CRYBG3: variants seen among roughly 807,000 people sequenced by gnomAD.
CRYBG3 encodes crystallin beta-gamma domain containing 3, also known as very large A-kinase anchor protein.
Under a neutral mutation model 244.2 loss-of-function variants are expected in CRYBG3, and 127 were observed. The ratio of observed to expected loss-of-function variants is 0.52; its 90% CI spans 0.45 to 0.60. The LOEUF (loss-of-function observed/expected upper bound fraction) is 0.60. Among genes scored for constraint, CRYBG3 ranks in the 20% least tolerant of loss-of-function variants. The pLI, the probability that CRYBG3 is intolerant of heterozygous loss-of-function variation, is 0.00. For missense variants in CRYBG3, 3,325 were observed against 3,442.5 expected (o/e 0.97, Z 0.85); for synonymous variants, 1,132 against 1,195.8 (o/e 0.95, Z 1.10).
chr3:97,848,990 A>G (rs904024125), intron 2 of CRYBG3, among the ~76,000 whole-genome samples: 4 of 152,204 alleles, frequency 2.6e-5, no homozygotes, highest in African/African-American at 9.7e-5. Context: ...TTTTGAAATT[A>G]CATGTGTAAT....
chr3:97,837,372 G>A (rs997082384), intron 1 of CRYBG3, among the ~76,000 whole-genome samples: 3 of 151,980 alleles, frequency 2.0e-5, no homozygotes, highest in African/African-American at 7.2e-5. Context: ...TAGAAGGGGA[G>A]GTGCTGGTGA....
At chr3:97,933,561 G>A in intron 17 of CRYBG3, 133 bp from the exon 18 acceptor site, 1 of 907,052 alleles carries the variant, frequency 1.1e-6, no homozygotes, top group South Asian at 1.4e-5. Context: ...TTTGACTATA[G>A]CAACCTTAGA....
chr3:97,918,267 T>C (rs2039948242), intron 17 of CRYBG3, among the ~76,000 whole-genome samples: 1 of 152,174 alleles, frequency 6.6e-6, no homozygotes, highest in African/African-American at 2.4e-5. Context: ...TAAGTATATT[T>C]TGAAAATGAC....
intron 2 of CRYBG3, among the ~76,000 whole-genome samples, chr3:97,845,877 T>C (rs569726803): frequency 2.4e-4 from 36 of 152,308 alleles, no homozygotes; most frequent in African/African-American, 7.9e-4. Context: ...CCTTTTGGTC[T>C]GTTATTCTAC....
chr3:97,929,414 C>T (rs1374650590), intron 17 of CRYBG3, among the ~76,000 whole-genome samples: 3 of 151,994 alleles, frequency 2.0e-5, no homozygotes, highest in South Asian at 2.1e-4. Flanking sequence ...AATAGTTCTT[C>T]AGTACCCTTT....
intron 2 of CRYBG3, among the ~76,000 whole-genome samples, chr3:97,850,679 A>T (rs1463614135): frequency 6.6e-6 from 1 of 152,242 alleles, no homozygotes; most frequent in Non-Finnish European, 1.5e-5. Context: ...ATCTAATGTT[A>T]TCTTTGAAGC....
At chr3:97,852,536 G>A (rs2039001112) in intron 2 of CRYBG3, among the ~76,000 whole-genome samples, 1 of 152,132 alleles carries the variant, frequency 6.6e-6, no homozygotes, top group Non-Finnish European at 1.5e-5. Flanking sequence ...CCTTTGTAAC[G>A]AGGTTAGTAA....
rs2040251089 is a variant in CRYBG3 at position 97,942,378 on chromosome 3, G to A, written c.8759G>A (p.Trp2920Ter). Reference protein sequence around the residue: ...WTEHGQFRQKWRLNKNGTISS... With the variant: ...WTEHGQFRQK The stretch of plus-strand genomic sequence containing the variant: ...GAACATGGGCAATTCAGGCAGAAGT[G>A]GAGACTGAATAAAAATGGAACTATC... The change falls in exon 21 of 22, where the codon TGG (tryptophan) becomes TAG (stop). Residue 2920 changes from tryptophan (W) to a stop codon, truncating the protein, a stop_gained. Coordinates refer to ENST00000389622, the MANE Select transcript of CRYBG3 (RefSeq NM_153605.4). LOFTEE classifies it high-confidence loss of function. 6.2e-7 allele frequency: 1 copy of A among 1,611,684 alleles called. No homozygotes were observed.
intron 3 of CRYBG3, among the ~76,000 whole-genome samples, chr3:97,866,243 A>G (rs546963836): frequency 6.6e-6 from 1 of 152,308 alleles, no homozygotes; most frequent in African/African-American, 2.4e-5. Flanking sequence ...AATTGGTAGC[A>G]TTTTTTAGAA....
intron 7 of CRYBG3, among the ~76,000 whole-genome samples, chr3:97,885,833 T>C (rs1336267479): frequency 1.3e-5 from 2 of 152,156 alleles, no homozygotes; most frequent in African/African-American, 4.8e-5. Flanking sequence ...AATGAGTTTC[T>C]TGAGGAAAGT....
intron 6 of CRYBG3, 24 bp downstream of exon 6, chr3:97,880,124 T>C (rs1260450700): frequency 3.3e-6 from 4 of 1,225,320 alleles, no homozygotes; most frequent in South Asian, 2.7e-5. Flanking sequence ...TAAAATTTTA[T>C]AGCATATTTT....
rs1559730128 is a variant in CRYBG3 at position 97,877,540 on chromosome 3, A to G, written c.6346A>G (p.Ser2116Gly). ...GHHGPRKSRD[S>G]ENQSSSVLSL... ...CCATGGCCCCAGGAAATCAAGAGACAGTGAAAACCAGTCCTCTTCTGTTTT... is the reference window on the plus strand; with the variant it reads ...CCATGGCCCCAGGAAATCAAGAGACGGTGAAAACCAGTCCTCTTCTGTTTT... The change falls in exon 4 of 22, where the codon AGT becomes GGT. Residue 2116 changes from serine (S) to glycine (G), a missense_variant. Ser to Gly is a moderately conservative substitution (Grantham distance 56, BLOSUM62 0). Transcript: ENST00000389622. 1 of 1,614,194 alleles carries G rather than the reference A, an allele frequency of 6.2e-7. No homozygotes were observed. Among genetic ancestry groups the G allele is most frequent in the Non-Finnish European group, 8.5e-7 (1 of 1,180,018 alleles).
In CRYBG3 at chr3:97,943,635, T is replaced by C. The variant is rs2040284783; in HGVS notation, c.*321T>C. On this transcript the variant is annotated 3_prime_UTR_variant, in exon 22 of 22. Transcript: ENST00000389622. ...CACCAAACGTGAATCCTGTTCCTGATGGCCCGTTATTGGACACTGGTGATG... is the reference window on the plus strand; with the variant it reads ...CACCAAACGTGAATCCTGTTCCTGACGGCCCGTTATTGGACACTGGTGATG... The C allele has an allele frequency of 3.5e-6, 1 of 286,942 alleles. No homozygotes were observed. Among genetic ancestry groups the C allele is most frequent in the African/African-American group, 2.3e-5 (1 of 43,634 alleles). The allele number at this position is 286,942 out of a possible 1,614,324, so 17.8% of individuals were successfully genotyped here. A position where few individuals can be genotyped will look rare whatever the true frequency, so the allele number is the denominator to read the frequency against.
At chr3:97,832,674 C>G (rs2038671052) in intron 1 of CRYBG3, among the ~76,000 whole-genome samples, 1 of 152,092 alleles carries the variant, frequency 6.6e-6, no homozygotes, top group Admixed American at 6.6e-5. Context: ...GACTTCCTGA[C>G]TAAAACACCA....
At chr3:97,913,042 A>T (rs1221999384) in intron 16 of CRYBG3, among the ~76,000 whole-genome samples, 1 of 152,104 alleles carries the variant, frequency 6.6e-6, no homozygotes, top group African/African-American at 2.4e-5. Flanking sequence ...CCCTTGAATC[A>T]TTAGAGACCT....
chr3:97,876,272 T>G lies in CRYBG3; in HGVS notation c.5078T>G (p.Ile1693Ser), dbSNP rs2039371023. 1 of 1,231,220 alleles carries G rather than the reference T, an allele frequency of 8.1e-7. No homozygotes were observed. Among genetic ancestry groups the G allele is most frequent in the Non-Finnish European group, 1.0e-6 (1 of 987,842 alleles). The allele number at this position is 1,231,220 out of a possible 1,614,324, so 76.3% of individuals were successfully genotyped here. A position where few individuals can be genotyped will look rare whatever the true frequency, so the allele number is the denominator to read the frequency against. ...ATAGCCTTGTCAGAAGTGGAAAATATCCACCAAAAAGGTGGTGAAGGGATT... is the reference window on the plus strand; with the variant it reads ...ATAGCCTTGTCAGAAGTGGAAAATAGCCACCAAAAAGGTGGTGAAGGGATT... ...GTIALSEVEN[I>S]HQKGGEGISE... Residue 1693 changes from isoleucine (I) to serine (S), a missense_variant, in exon 4 of 22, where the codon ATC becomes AGC. Coordinates refer to ENST00000389622, the MANE Select transcript of CRYBG3 (RefSeq NM_153605.4).
chr3:97,879,741 C>T lies in CRYBG3; in HGVS notation c.6881C>T (p.Pro2294Leu), dbSNP rs964785472. Reference sequence around the variant, plus strand: ...CAAACTCTGAGATGTAACCCAAGACCTGGGAAGGTAAGGATAACTTTCTCA... The same window carrying T: ...CAAACTCTGAGATGTAACCCAAGACTTGGGAAGGTAAGGATAACTTTCTCA... ...DKQTLRCNPR[P>L]GKMVIYDLHE... Residue 2294 changes from proline (P) to leucine (L), a missense_variant, in exon 5 of 22, where the codon CCT becomes CTT. This residue lies in a region of CRYBG3 where 714 missense variants were observed against 803.6 expected (regional missense o/e 0.89). Transcript: ENST00000389622. 6.2e-7 allele frequency: 1 copy of T among 1,602,516 alleles called. No individual in the cohort carries two copies. The highest frequency in any genetic ancestry group is 8.5e-7 in the Non-Finnish European group (1 of 1,174,294).
chr3:97,877,958 T>G lies in CRYBG3; in HGVS notation c.6764T>G (p.Phe2255Cys). 1 of 1,614,120 alleles carries G rather than the reference T, an allele frequency of 6.2e-7. No individual in the cohort carries two copies. Among genetic ancestry groups the G allele is most frequent in the Admixed American group, 1.7e-5 (1 of 60,010 alleles). The change falls in exon 4 of 22, where the codon TTT becomes TGT. Residue 2255 changes from phenylalanine (F) to cysteine (C), a missense_variant. Phe to Cys is a radical substitution (Grantham distance 205). Transcript: ENST00000389622. ...CATTCCTCAGAAAAAGGAGCCAGAT[T>G]TGGTGGAATTTTTCAGGAACCAGTG... ...QSHSSEKGAR[F>C]GGIFQEPVSK...
chr3:97,873,587 A>G lies in CRYBG3; in HGVS notation c.2393A>G (p.Glu798Gly). The change falls in exon 4 of 22, where the codon GAG (glutamate) becomes GGG (glycine). Residue 798 changes from glutamate to glycine, a missense_variant. Physicochemically the swap from Glu to Gly is moderately conservative, Grantham distance 98. Transcript: ENST00000389622. ...ACTAAAGCAAATATGAGCATAATAG[A>G]GAAGTCTGATTCTCTTTCCTTGGAA... is the stretch of plus-strand genomic sequence containing the variant. ...SNTKANMSII[E>G]KSDSLSLEAK... The G allele has an allele frequency of 6.5e-7, 1 of 1,535,118 alleles. No individual in the cohort carries two copies. Among genetic ancestry groups the G allele is most frequent in the Non-Finnish European group, 8.7e-7 (1 of 1,146,544 alleles).
Sources: allele counts gnomAD v4.1 joint callset (sites outside exome capture counted in the v4.1 genomes callset), GRCh38; gene constraint gnomAD v4.1.1; regional missense constraint gnomAD v4.1.1; transcripts MANE v1.5; gene names NCBI Gene and HGNC (gene_info 2026-07-23, HGNC 2026-07-21).